PLA2G4C: variants seen among roughly 807,000 people sequenced by gnomAD.
The protein encoded by PLA2G4C is phospholipase A2 group IVC.
PLA2G4C carries 64 observed loss-of-function variants against 73.8 expected under a neutral mutation model. That is an observed-to-expected ratio of 0.87 (90% CI 0.71 to 1.07). The LOEUF is 1.07. PLA2G4C is among the 50% of genes least tolerant of loss of function. The pLI, the probability that PLA2G4C is intolerant of heterozygous loss-of-function variation, is 0.00. For synonymous variants in PLA2G4C, 254 were observed against 252.1 expected (o/e 1.01, Z -0.07); for missense variants, 622 against 665.4 (o/e 0.93, Z 0.72).
intron 14 of PLA2G4C, among the ~76,000 whole-genome samples, chr19:48,060,037 G>GA (rs1448325820): frequency 1.3e-5 from 2 of 152,018 alleles, no homozygotes; most frequent in African/African-American, 4.8e-5. Context: ...CCAAAATGCT[G>GA]AGATTACAGG....
At chr19:48,050,299 G>A (rs187354447) in intron 16 of PLA2G4C, among the ~76,000 whole-genome samples, 12 of 152,190 alleles carry the variant, frequency 7.9e-5, no homozygotes, top group South Asian at 2.1e-4. Flanking sequence ...GCAAATAACC[G>A]CCCTGCCCCA....
At chr19:48,080,020 G>A (rs111658944) in intron 10 of PLA2G4C, among the ~76,000 whole-genome samples, 3,083 of 152,240 alleles carry the variant, frequency 0.02, 105 homozygotes, top group African/African-American at 0.069. Context: ...AGCAAAGGAA[G>A]TAATTATCAG....
At chr19:48,060,625 G>A (rs1422435157) in intron 14 of PLA2G4C, among the ~76,000 whole-genome samples, 1 of 152,130 alleles carries the variant, frequency 6.6e-6, no homozygotes, top group Non-Finnish European at 1.5e-5. Context: ...TAAGCCTATC[G>A]CTCGGGGTCA....
chr19:48,086,319 G>A (rs578056775), intron 9 of PLA2G4C, among the ~76,000 whole-genome samples: 9 of 152,188 alleles, frequency 5.9e-5, no homozygotes, highest in South Asian at 2.1e-4. Flanking sequence ...TGTGGGATCC[G>A]CGTGGGGCTT....
chr19:48,105,536 G>A (rs2032132929), intron 2 of PLA2G4C, 92 bp from the exon 3 acceptor site: 2 of 902,616 alleles, frequency 2.2e-6, no homozygotes, highest in Non-Finnish European at 3.5e-6. Flanking sequence ...TGTCCAAGCA[G>A]GTAGCCACCA....
chr19:48,098,304 C>T (rs1310024947), intron 5 of PLA2G4C, 45 bp from the exon 6 acceptor site: 1 of 1,571,564 alleles, frequency 6.4e-7, no homozygotes, highest in African/African-American at 1.4e-5. Flanking sequence ...GCATGTGGGT[C>T]CCACAGGGTG....
In PLA2G4C at chr19:48,099,878, A is replaced by T. The variant is rs370889011; in HGVS notation, c.258-18T>A. The stretch of plus-strand genomic sequence containing the variant: ...ATATTGCCCTGGAGGACAGAGGAAG[A>T]GAGTGAGTTGGGCATTTTAAGTGTG... On this transcript the variant is annotated intron_variant, in intron 4 of 16. Coordinates refer to ENST00000599921, the MANE Select transcript of PLA2G4C (RefSeq NM_003706.3). 116 of 1,584,412 alleles carry T rather than the reference A, an allele frequency of 7.3e-5. No individual in the cohort carries two copies. Among genetic ancestry groups the T allele is most frequent in the Non-Finnish European group, 1.1e-5 (13 of 1,155,846 alleles).
Position 48,104,658 on chromosome 19 carries a change from G to A in PLA2G4C, c.187C>T (p.Leu63=), listed in dbSNP as rs1294267413. Residue 63 remains leucine, a synonymous_variant, in exon 4 of 17, where the codon CTG becomes TTG. Transcript: ENST00000599921. ...AGGCCCTGTTCTTTCATCTCACTCAGGACCCCAAGGCAGGCAATGTGAGCC... is the reference window on the plus strand; with the variant it reads ...AGGCCCTGTTCTTTCATCTCACTCAAGACCCCAAGGCAGGCAATGTGAGCC... The part of the protein sequence containing the change: ...LRAHIACLGV[L]SEMKEQGLLD... 5.6e-6 allele frequency: 9 copies of A among 1,613,956 alleles called. No homozygotes were observed. The highest frequency in any genetic ancestry group is 1.7e-5 in the Admixed American group (1 of 59,978).
intron 16 of PLA2G4C, among the ~76,000 whole-genome samples, chr19:48,050,362 G>T (rs1967678838): frequency 6.6e-6 from 1 of 152,198 alleles, no homozygotes; most frequent in Non-Finnish European, 1.5e-5. Context: ...CTGGTCCAGA[G>T]GCCCAGAATG....
intron 13 of PLA2G4C, among the ~76,000 whole-genome samples, chr19:48,064,157 G>A (rs966858991): frequency 2.0e-5 from 3 of 152,070 alleles, no homozygotes; most frequent in Admixed American, 2.0e-4. Flanking sequence ...GGCCGGGCAC[G>A]GTGGCTCACG....
At chr19:48,096,935 C>T (rs921657223) in intron 6 of PLA2G4C, 1 of 152,090 alleles carries the variant, frequency 6.6e-6, no homozygotes, top group African/African-American at 2.4e-5. Flanking sequence ...GCGGGTGGAT[C>T]ACCTGAGGTC....
At chr19:48,100,618 A>AAG (rs1204659172) in intron 4 of PLA2G4C, among the ~76,000 whole-genome samples, 1 of 146,924 alleles carries the variant, frequency 6.8e-6, no homozygotes, top group Non-Finnish European at 1.5e-5. Flanking sequence ...AAAAAAAAAA[A>AAG]AAAAAAAAAA....
In PLA2G4C at chr19:48,071,728, C is replaced by T. The variant is rs547820779; in HGVS notation, c.1006+3039G>A. 5.9e-3 allele frequency among the ~76,000 whole-genome samples: 894 copies of T among 152,190 alleles called. 8 individuals are homozygous for T. In the Middle Eastern group the frequency reaches 0.061, roughly 10 times the overall value. On this transcript the variant is annotated intron_variant, in intron 12 of 16. Coordinates refer to ENST00000599921, the MANE Select transcript of PLA2G4C (RefSeq NM_003706.3). Reference sequence around the variant, plus strand: ...CCTCCTGAGTAGCTGGGACTACAGGCGTGAGCCATCACACCTGGCTTTTTT... The same window carrying T: ...CCTCCTGAGTAGCTGGGACTACAGGTGTGAGCCATCACACCTGGCTTTTTT...
rs71181648 is a variant in PLA2G4C, at chr19:48,101,674, C to CTTTTTTTT, written c.258-1822_258-1815dup. On this transcript the variant is annotated intron_variant, in intron 4 of 16. Coordinates refer to ENST00000599921, the MANE Select transcript of PLA2G4C (RefSeq NM_003706.3). ...TATGAAAAGTTCTTTCCTTTAATAT[C>CTTTTTTTT]TTTTTTTTTTTTTTTTTGAGATGGA... Among the ~76,000 whole-genome samples, 198 of 131,794 alleles carry CTTTTTTTT rather than the reference C, an allele frequency of 1.5e-3. 1 individual carries two copies. Among genetic ancestry groups the CTTTTTTTT allele is most frequent in the African/African-American group, 3.3e-3 (116 of 35,306 alleles). 86.5% of individuals were successfully genotyped at this position (131,794 alleles called of 152,430 possible).
Position 48,066,280 on chromosome 19 carries a change from T to C in PLA2G4C, c.1102+1511A>G, listed in dbSNP as rs577172416. Among the ~76,000 whole-genome samples, 7 of 152,136 alleles carry C rather than the reference T, an allele frequency of 4.6e-5. No homozygotes were observed. In the East Asian group the frequency reaches 1.4e-3, roughly 29 times the overall value. ...TCAGATGGTTGGGTGGTGGGGGGCT[T>C]AGAATTTTATTTTTGGTTTACACTC... On this transcript the variant is annotated intron_variant, in intron 13 of 16. Coordinates refer to ENST00000599921, the MANE Select transcript of PLA2G4C (RefSeq NM_003706.3).
In PLA2G4C at chr19:48,048,400, G is replaced by C; in HGVS notation, c.1581-12C>G. On this transcript the variant is annotated splice_polypyrimidine_tract_variant and intron_variant, in intron 16 of 16. Transcript: ENST00000599921. ...TCGGGTAGTAGAGCCTGGGGAGAAAGGAAAGTTAGAAGTTACCACTGTGCT... is the reference window on the plus strand; with the variant it reads ...TCGGGTAGTAGAGCCTGGGGAGAAACGAAAGTTAGAAGTTACCACTGTGCT... 6.3e-7 allele frequency: 1 copy of C among 1,580,868 alleles called. No homozygotes were observed. The highest frequency in any genetic ancestry group is 8.6e-7 in the Non-Finnish European group (1 of 1,168,064).
chr19:48,078,439 T>C (rs1301762508), intron 10 of PLA2G4C, among the ~76,000 whole-genome samples: 4 of 152,152 alleles, frequency 2.6e-5, no homozygotes, highest in Admixed American at 2.6e-4. Context: ...TAGTGTTCAC[T>C]GATGATATGA....
In PLA2G4C at chr19:48,090,390, G is replaced by C. The variant is rs779224882; in HGVS notation, c.737C>G (p.Thr246Ser). The change falls in exon 8 of 17, where the codon ACT becomes AGT. Residue 246 changes from threonine to serine, a missense_variant. By Grantham distance (58) the Thr-to-Ser change is moderately conservative. Transcript: ENST00000599921. The stretch of plus-strand genomic sequence containing the variant: ...AAAAATGTATTCCCTAATGACTTCA[G>C]TGTTACCAAGAGCACTTCCCCATAA... ...RGLWGSALGN[T>S]EVIREYIFDQ... 1 of 1,612,598 alleles carries C rather than the reference G, an allele frequency of 6.2e-7. No individual in the cohort carries two copies. The highest frequency in any genetic ancestry group is 8.5e-7 in the Non-Finnish European group (1 of 1,178,632).
chr19:48,054,332 T>C (rs1468927730), intron 15 of PLA2G4C, among the ~76,000 whole-genome samples: 1 of 151,790 alleles, frequency 6.6e-6, no homozygotes, highest in Non-Finnish European at 1.5e-5. Context: ...TGAGAAGGAG[T>C]CTTGCTCTGT....
Sources: gnomAD v4.1 joint callset for allele counts (sites outside exome capture counted in the v4.1 genomes callset) on GRCh38, gnomAD v4.1.1 for gene constraint, MANE v1.5 for transcripts, NCBI Gene and HGNC (gene_info 2026-07-23, HGNC 2026-07-21) for gene names.